Variants in INVS observed in about 807,000 individuals in gnomAD.
The protein encoded by INVS is inversion of embryo turning homolog.
A neutral mutation model predicts 108.8 loss-of-function variants in INVS; 86 were observed. The ratio of observed to expected loss-of-function variants is 0.79; its 90% CI spans 0.66 to 0.95. The LOEUF (loss-of-function observed/expected upper bound fraction) is 0.95, where lower values mean the gene tolerates loss of function less well. Among genes scored for constraint, INVS ranks in the 40% least tolerant of loss-of-function variants. The pLI is 0.00. For synonymous variants in INVS, 455 were observed against 473.5 expected (o/e 0.96, Z 0.51); for missense variants, 1,169 against 1,297.4 (o/e 0.90, Z 1.52).
chr9:100,163,074 T>C (rs1228854221), intron 3 of INVS, among the ~76,000 whole-genome samples: 1 of 152,124 alleles, frequency 6.6e-6, no homozygotes, highest in East Asian at 1.9e-4. Context: ...CTTCATGGAA[T>C]TCCATCTAGT....
intron 12 of INVS, among the ~76,000 whole-genome samples, chr9:100,283,133 A>AC (rs561707527): frequency 1.4e-3 from 214 of 151,968 alleles, no homozygotes; most frequent in South Asian, 3.1e-3. Context: ...ACAAAGTGAG[A>AC]CCCCCCCTCC....
rs1296545586 is a variant in INVS at position 100,264,847 on chromosome 9, G to A, written c.1490G>A (p.Cys497Tyr). The change falls in exon 11 of 17, where the codon TGC becomes TAC. Residue 497 changes from cysteine (C) to tyrosine (Y), a missense_variant. By Grantham distance (194) the Cys-to-Tyr change is radical. Around this residue, in one of 3 missense-constraint regions of INVS, gnomAD observed 271 missense variants for 363.8 expected, o/e 0.74. Transcript: ENST00000262457. ...GGAAGAACAGCTTTGCATTGGTCCT[G>A]CAACAATGGATACCTTGATGCCATT... ...KEGRTALHWSCNNGYLDAIKL... is the reference protein window; with the variant it reads ...KEGRTALHWSYNNGYLDAIKL... The A allele has an allele frequency of 3.7e-6, 6 of 1,613,472 alleles. No individual in the cohort carries two copies. In the African/African-American group the frequency reaches 8.0e-5, roughly 22 times the overall value.
At chr9:100,288,204 C>CTCTTGGCTCTGCTACCTGAAT (rs1439225772) in intron 13 of INVS, among the ~76,000 whole-genome samples, 1 of 152,188 alleles carries the variant, frequency 6.6e-6, no homozygotes, top group Non-Finnish European at 1.5e-5. Flanking sequence ...TTCTCCATGT[C>CTCTTGGCTCTGCTACCTGAAT]TCTTGGCTCT....
chr9:100,102,271 G>C (rs2118809112), intron 1 of INVS, among the ~76,000 whole-genome samples: 1 of 151,986 alleles, frequency 6.6e-6, no homozygotes, highest in South Asian at 2.1e-4. Context: ...GCTAATTTTT[G>C]TGTTTTTAGT....
chr9:100,251,131 A>G (rs1028429654), intron 8 of INVS, among the ~76,000 whole-genome samples: 3 of 152,184 alleles, frequency 2.0e-5, no homozygotes, highest in African/African-American at 7.2e-5. Flanking sequence ...TCACTATATA[A>G]TAACTTTATT....
intron 4 of INVS, 127 bp from the exon 5 acceptor site, chr9:100,229,533 A>G (rs560908045): frequency 6.4e-6 from 5 of 783,544 alleles, no homozygotes; most frequent in Non-Finnish European, 1.1e-5. Flanking sequence ...TGAAATCATG[A>G]AAAGTGAAAA....
At position 100,246,858 on chromosome 9, in the gene INVS, G is replaced by T. The variant is rs944716359; in HGVS notation, c.1078+71G>T. 3 of 1,320,564 alleles carry T rather than the reference G, an allele frequency of 2.3e-6. No homozygotes were observed. In the African/African-American group the frequency reaches 4.3e-5, roughly 19 times the overall value. 81.8% of individuals were successfully genotyped at this position (1,320,564 alleles called of 1,614,324 possible). Reference sequence around the variant, plus strand: ...AAGTGTAGATGTTGCTATAAAATTTGTAAAATAGCAACTTGAAATCATTGT... The same window carrying T: ...AAGTGTAGATGTTGCTATAAAATTTTTAAAATAGCAACTTGAAATCATTGT... On this transcript the variant is annotated intron_variant, in intron 8 of 16. Transcript: ENST00000262457.
intron 3 of INVS, among the ~76,000 whole-genome samples, chr9:100,219,717 A>T (rs1831089144): frequency 6.6e-6 from 1 of 152,184 alleles, no homozygotes; most frequent in African/African-American, 2.4e-5. Flanking sequence ...AAGAATAAAT[A>T]TATTATTTTC....
intron 3 of INVS, among the ~76,000 whole-genome samples, chr9:100,132,506 T>C (rs1828083721): frequency 6.6e-6 from 1 of 152,244 alleles, no homozygotes; most frequent in Non-Finnish European, 1.5e-5. Context: ...GTAGGGATGA[T>C]GAGTCCTTAG....
rs929815497 is a variant in INVS, at chr9:100,301,035, G to C, written c.*361G>C. ...GGTTGGGATTTCTGCCAGCTAGCTGGTACTGGCTTCTTGTTTCAAGAGATG... is the reference window on the plus strand; with the variant it reads ...GGTTGGGATTTCTGCCAGCTAGCTGCTACTGGCTTCTTGTTTCAAGAGATG... On this transcript the variant is annotated 3_prime_UTR_variant, in exon 17 of 17. Transcript: ENST00000262457. 48 of 307,072 alleles carry C rather than the reference G, an allele frequency of 1.6e-4. No individual in the cohort carries two copies. The Admixed American group carries it at 2.2e-3, about 14-fold the overall frequency. The allele number at this position is 307,072 out of a possible 1,614,324, so 19.0% of individuals were successfully genotyped here.
At chr9:100,300,257 A>G (rs1209377655) in intron 16 of INVS, among the ~76,000 whole-genome samples, 1 of 152,198 alleles carries the variant, frequency 6.6e-6, no homozygotes, top group African/African-American at 2.4e-5. Context: ...TGTTTATGTA[A>G]TGTGTTATGT....
chr9:100,104,553 G>T lies in INVS; in HGVS notation c.32G>T (p.Gly11Val). 1 of 1,614,106 alleles carries T rather than the reference G, an allele frequency of 6.2e-7. No homozygotes were observed. The highest frequency in any genetic ancestry group is 8.5e-7 in the Non-Finnish European group (1 of 1,179,978). Residue 11 changes from glycine to valine, a missense_variant, in exon 2 of 17, where the codon GGT becomes GTT. Gly to Val is a moderately radical substitution (Grantham distance 109). This residue lies in a region of INVS where 365 missense variants were observed against 397.5 expected (regional missense o/e 0.92). Coordinates refer to ENST00000262457, the MANE Select transcript of INVS (RefSeq NM_014425.5). ...AAGTCAGAGAACCTGCTGTTTGCTG[G>T]TTCATCATTAGCATCACAAGTCCAT... MNKSENLLFA[G>V]SSLASQVHAA...
chr9:100,197,007 T>C (rs989912530), intron 3 of INVS, among the ~76,000 whole-genome samples: 29 of 152,198 alleles, frequency 1.9e-4, no homozygotes, highest in African/African-American at 6.5e-4. Context: ...CCCAGCTGGA[T>C]ATCCCCTAAT....
At chr9:100,178,998 A>C (rs1478245934) in intron 3 of INVS, among the ~76,000 whole-genome samples, 1 of 152,192 alleles carries the variant, frequency 6.6e-6, no homozygotes, top group African/African-American at 2.4e-5. Context: ...ATTCTTGAAG[A>C]AAAGAATTTT....
chr9:100,185,627 T>G (rs758463280), intron 3 of INVS, among the ~76,000 whole-genome samples: 7 of 150,010 alleles, frequency 4.7e-5, no homozygotes, highest in Non-Finnish European at 8.9e-5. Context: ...TGGTGAAGTC[T>G]AAGATTTTAG....
At chr9:100,281,037 T>G (rs2787380) in intron 12 of INVS, among the ~76,000 whole-genome samples, 5 of 152,056 alleles carry the variant, frequency 3.3e-5, no homozygotes, top group African/African-American at 1.2e-4. Flanking sequence ...AAAATAAAAA[T>G]AAAAAAGAAA....
At chr9:100,134,561 G>T (rs1331716457) in intron 3 of INVS, among the ~76,000 whole-genome samples, 2 of 152,104 alleles carry the variant, frequency 1.3e-5, no homozygotes, top group South Asian at 4.1e-4. Flanking sequence ...ATTCCCACCA[G>T]CAGTGTAGAA....
intron 3 of INVS, among the ~76,000 whole-genome samples, chr9:100,135,397 G>C (rs1217012287): frequency 6.6e-6 from 1 of 152,168 alleles, no homozygotes; most frequent in African/African-American, 2.4e-5. Context: ...AAACATAGAC[G>C]TCTGGGCCCC....
At chr9:100,113,835 C>T (rs770492443) in intron 2 of INVS, among the ~76,000 whole-genome samples, 1 of 152,152 alleles carries the variant, frequency 6.6e-6, no homozygotes, top group Non-Finnish European at 1.5e-5. Flanking sequence ...TTCCTTATAT[C>T]TAACTGTACC....
Sources: gnomAD v4.1 joint callset for allele counts (sites outside exome capture counted in the v4.1 genomes callset) on GRCh38, gnomAD v4.1.1 for gene constraint, gnomAD v4.1.1 regional missense constraint, MANE v1.5 for transcripts, NCBI Gene and HGNC (gene_info 2026-07-23, HGNC 2026-07-21) for gene names.